The following TMCC1 variants were observed in gnomAD, a reference collection of about 807,000 sequenced individuals.
The protein encoded by TMCC1 is transmembrane and coiled-coil domains protein 1.
In TMCC1, 15 loss-of-function variants were observed where a neutral mutation model predicts 52.4. That is an observed-to-expected ratio of 0.29 (90% CI 0.19 to 0.44). TMCC1 has a LOEUF of 0.44. TMCC1 is among the 20% of genes least tolerant of loss of function. The probability of loss-of-function intolerance (pLI) is 1.00; values close to 1 mark genes in which losing one functional copy is unlikely to be tolerated. For synonymous variants in TMCC1, 279 were observed against 301.9 expected (o/e 0.92, Z 0.79); for missense variants, 503 against 806.0 (o/e 0.62, Z 4.55).
At chr3:129,791,691 G>C (rs965771491) in intron 4 of TMCC1, among the ~76,000 whole-genome samples, 1 of 152,078 alleles carries the variant, frequency 6.6e-6, no homozygotes, top group Non-Finnish European at 1.5e-5. Context: ...AACTATAAAG[G>C]AAGAAAATGA....
chr3:129,813,510 G>C (rs564895286), intron 4 of TMCC1, among the ~76,000 whole-genome samples: 2 of 152,056 alleles, frequency 1.3e-5, no homozygotes, highest in Non-Finnish European at 1.5e-5. Context: ...TCCTTACGGA[G>C]CTGGAGGCCA....
chr3:129,870,847 T>C (rs2060895553), intron 2 of TMCC1, among the ~76,000 whole-genome samples: 1 of 150,810 alleles, frequency 6.6e-6, no homozygotes, highest in South Asian at 2.1e-4. Flanking sequence ...ATTATCCCTG[T>C]CCTTTTAAAA....
At chr3:129,884,662 A>C (rs1191497672) in intron 1 of TMCC1, among the ~76,000 whole-genome samples, 1 of 152,224 alleles carries the variant, frequency 6.6e-6, no homozygotes, top group African/African-American at 2.4e-5. Context: ...CTTTTGAAGA[A>C]ATAAAATTAA....
chr3:129,748,238 T>C (rs539504101), intron 4 of TMCC1, among the ~76,000 whole-genome samples: 91 of 152,310 alleles, frequency 6.0e-4, no homozygotes, highest in African/African-American at 2.1e-3. Context: ...CCCTGGTATC[T>C]TGCCATTCAG....
chr3:129,867,409 T>C (rs1246878226), intron 2 of TMCC1, among the ~76,000 whole-genome samples: 1 of 152,230 alleles, frequency 6.6e-6, no homozygotes, highest in African/African-American at 2.4e-5. Context: ...CTTCCTTCTT[T>C]ATATTTCCAT....
intron 4 of TMCC1, among the ~76,000 whole-genome samples, chr3:129,677,529 T>A (rs2088561390): frequency 6.6e-6 from 1 of 152,218 alleles, no homozygotes; most frequent in Non-Finnish European, 1.5e-5. Context: ...ACAAGTTAAT[T>A]CCTGCTACAA....
chr3:129,797,986 C>CTTTTTTTTTT (rs11417298), intron 4 of TMCC1, among the ~76,000 whole-genome samples: 1 of 136,662 alleles, frequency 7.3e-6, no homozygotes. Context: ...AGTTGTGTGC[C>CTTTTTTTTTT]TTTTTTTTTT....
At chr3:129,804,854 T>C (rs1353538459) in intron 4 of TMCC1, among the ~76,000 whole-genome samples, 4 of 152,128 alleles carry the variant, frequency 2.6e-5, no homozygotes, top group African/African-American at 9.7e-5. Context: ...AAAATCCCCA[T>C]TTTACCTCAT....
At chr3:129,860,410 G>A (rs898802302) in intron 2 of TMCC1, among the ~76,000 whole-genome samples, 3 of 151,874 alleles carry the variant, frequency 2.0e-5, no homozygotes, top group Non-Finnish European at 2.9e-5. Flanking sequence ...TGACGTGTAC[G>A]GGGGAGATGC....
At chr3:129,672,426 C>A (rs1241194070) in intron 4 of TMCC1, among the ~76,000 whole-genome samples, 1 of 151,780 alleles carries the variant, frequency 6.6e-6, no homozygotes, top group Admixed American at 6.6e-5. Context: ...AGTGAGACCC[C>A]CTCTCTACAC....
At chr3:129,816,513 G>A (rs1180840912) in intron 4 of TMCC1, among the ~76,000 whole-genome samples, 1 of 152,124 alleles carries the variant, frequency 6.6e-6, no homozygotes, top group Non-Finnish European at 1.5e-5. Flanking sequence ...TCACTCACAT[G>A]TGGGAGCTAA....
chr3:129,651,392 T>C lies in TMCC1; in HGVS notation c.*89A>G, dbSNP rs572481218. ...GATTCACTCAACTCTTTTTTTGTTG[T>C]AGAAAACTTCAGAGTAGGTAAGTTG... On this transcript the variant is annotated 3_prime_UTR_variant, in exon 7 of 7. Coordinates refer to ENST00000393238, the MANE Select transcript of TMCC1 (RefSeq NM_001017395.5). This position sits in a 1 kb window ranked among gnomAD's most constrained non-coding sequence, Gnocchi z 5.1. 233 of 1,376,590 alleles carry C rather than the reference T, an allele frequency of 1.7e-4. 1 individual carries two copies. In the African/African-American group the frequency reaches 3.2e-3, roughly 19 times the overall value. 85.3% of individuals were successfully genotyped at this position (1,376,590 alleles called of 1,614,324 possible).
intron 4 of TMCC1, among the ~76,000 whole-genome samples, chr3:129,784,739 T>C (rs1456465953): frequency 6.6e-6 from 1 of 151,760 alleles, no homozygotes; most frequent in Non-Finnish European, 1.5e-5. Context: ...GAGGATGAGG[T>C]AGGAACTTGA....
intron 5 of TMCC1, among the ~76,000 whole-genome samples, chr3:129,662,301 G>C (rs1454625846): frequency 6.6e-6 from 1 of 152,132 alleles, no homozygotes; most frequent in Admixed American, 6.6e-5. Flanking sequence ...ACACCATACA[G>C]TGTACTTACA....
At chr3:129,806,687 T>G (rs1576923432) in intron 4 of TMCC1, among the ~76,000 whole-genome samples, 1 of 151,766 alleles carries the variant, frequency 6.6e-6, no homozygotes, top group East Asian at 1.9e-4. Flanking sequence ...ACAGACATAT[T>G]ACAAGAAGCA....
chr3:129,837,840 C>G (rs2059235117), intron 2 of TMCC1, among the ~76,000 whole-genome samples: 1 of 151,816 alleles, frequency 6.6e-6, no homozygotes, highest in South Asian at 2.1e-4. Context: ...CAAGTGGAAA[C>G]CAAATTAGAA....
chr3:129,870,736 G>C (rs1458749472), intron 2 of TMCC1, among the ~76,000 whole-genome samples: 2 of 30,214 alleles, frequency 6.6e-5, no homozygotes, highest in African/African-American at 1.6e-4. Flanking sequence ...GGGGGGGGGG[G>C]GCGACAGAGC....
At chr3:129,728,001 T>G (rs1405350764) in intron 4 of TMCC1, among the ~76,000 whole-genome samples, 1 of 152,202 alleles carries the variant, frequency 6.6e-6, no homozygotes, top group Non-Finnish European at 1.5e-5. Context: ...ACAGCTAGCA[T>G]GTGAGTGAGG....
At position 129,686,858 on chromosome 3, in the gene TMCC1, A is replaced by G. The variant is rs552884325; in HGVS notation, c.577-15594T>C. 1.4e-4 allele frequency among the ~76,000 whole-genome samples: 21 copies of G among 152,356 alleles called. No individual in the cohort carries two copies. In the East Asian group the frequency reaches 3.1e-3, roughly 22 times the overall value. ...AATCAGGCCATAAATGAGGAAAAGC[A>G]CTATTACAGTAGGTTTCACATGCCA... On this transcript the variant is annotated intron_variant, in intron 4 of 6. Transcript: ENST00000393238.
Sources: allele counts gnomAD v4.1 joint callset (sites outside exome capture counted in the v4.1 genomes callset), GRCh38; gene constraint gnomAD v4.1.1; non-coding constraint Gnocchi (gnomAD v3.1); transcripts MANE v1.5; gene names NCBI Gene and HGNC (gene_info 2026-07-23, HGNC 2026-07-21).